PLPP3: variants seen among roughly 807,000 people sequenced by gnomAD.
PLPP3 encodes phospholipid phosphatase 3.
A neutral mutation model predicts 29.6 loss-of-function variants in PLPP3; 6 were observed. The ratio of observed to expected loss-of-function variants is 0.20; its 90% CI spans 0.11 to 0.40. The LOEUF is 0.40. PLPP3 is among the 10% of genes least tolerant of loss of function. The pLI is 1.00. For synonymous variants in PLPP3, 152 were observed against 159.7 expected, an observed-to-expected ratio of 0.95 and a Z score of 0.36; for missense variants, 308 against 407.7, an observed-to-expected ratio of 0.76 and a Z score of 2.11.
chr1:56,526,935 C>T (rs1446156154), intron 2 of PLPP3, among the ~76,000 whole-genome samples: 1 of 152,210 alleles, frequency 6.6e-6, no homozygotes, highest in Non-Finnish European at 1.5e-5. Context: ...GACACTGCTA[C>T]AGATTAAGGA....
At position 56,563,593 on chromosome 1, in the gene PLPP3, T is replaced by C. The variant is rs528902004; in HGVS notation, c.139+15285A>G. ...CTGATATATTTTCAGTAAAAGTGGA[T>C]AGATGGCCCAAGTGACCAGCTCAAA... On this transcript the variant is annotated intron_variant, in intron 1 of 5. Transcript: ENST00000371250. Among the ~76,000 whole-genome samples, 19 of 152,310 alleles carry C rather than the reference T, an allele frequency of 1.2e-4. 2 individuals carry two copies. The South Asian group carries it at 2.3e-3, about 18-fold the overall frequency.
intron 1 of PLPP3, among the ~76,000 whole-genome samples, chr1:56,561,437 C>T (rs572146407): frequency 1.2e-4 from 18 of 152,232 alleles, no homozygotes; most frequent in Admixed American, 1.2e-3. Flanking sequence ...TTTCATCACA[C>T]TGACTTACAG....
intron 1 of PLPP3, among the ~76,000 whole-genome samples, chr1:56,557,069 AGAAAGAAAAAAT>A (rs1646088292): frequency 1.5e-5 from 2 of 131,992 alleles, no homozygotes; most frequent in Non-Finnish European, 3.3e-5. Flanking sequence ...AAAGAAAGAA[AGAAAGAAAAAAT>A]GAGAGAGAGA....
At chr1:56,576,122 A>G (rs1292724150) in intron 1 of PLPP3, among the ~76,000 whole-genome samples, 2 of 152,200 alleles carry the variant, frequency 1.3e-5, no homozygotes, top group Admixed American at 6.5e-5. Context: ...TTAACGTTCT[A>G]AAAAGGTATG....
chr1:56,531,631 TA>T (rs2100259429), intron 2 of PLPP3, among the ~76,000 whole-genome samples: 1 of 152,338 alleles, frequency 6.6e-6, no homozygotes, highest in African/African-American at 2.4e-5. Context: ...TATAGCTAAC[TA>T]AATAAAGAGC....
At chr1:56,505,175 TA>T (rs1366826522) in intron 5 of PLPP3, among the ~76,000 whole-genome samples, 1 of 152,240 alleles carries the variant, frequency 6.6e-6, no homozygotes, top group Non-Finnish European at 1.5e-5. Context: ...AAACAAAGCA[TA>T]GTACTTAACG....
At chr1:56,529,688 G>C (rs1645874516) in intron 2 of PLPP3, among the ~76,000 whole-genome samples, 1 of 152,156 alleles carries the variant, frequency 6.6e-6, no homozygotes, top group South Asian at 2.1e-4. Context: ...AGCGTCTTTA[G>C]TAACTAGAAA....
At chr1:56,570,713 GGA>G (rs1489630547) in intron 1 of PLPP3, among the ~76,000 whole-genome samples, 3 of 152,100 alleles carry the variant, frequency 2.0e-5, no homozygotes, top group Non-Finnish European at 2.9e-5. Flanking sequence ...ATGGGAATAA[GGA>G]GAGTTTGTTG....
intron 1 of PLPP3, among the ~76,000 whole-genome samples, chr1:56,543,198 T>C (rs1282506951): frequency 6.6e-6 from 1 of 152,162 alleles, no homozygotes; most frequent in Non-Finnish European, 1.5e-5. Context: ...ATTCAAAATA[T>C]AGACTGAAGA....
At chr1:56,501,896 A>C (rs1202951594) in intron 5 of PLPP3, among the ~76,000 whole-genome samples, 1 of 152,226 alleles carries the variant, frequency 6.6e-6, no homozygotes, top group Non-Finnish European at 1.5e-5. Context: ...CTATAGGACA[A>C]ACAGAATCTG....
chr1:56,578,793 G>A, intron 1 of PLPP3, 85 bp downstream of exon 1: 2 of 1,261,552 alleles, frequency 1.6e-6, no homozygotes, highest in Middle Eastern at 3.0e-4. Context: ...GGCGCGGCGC[G>A]GCGCTGCGCG....
intron 5 of PLPP3, among the ~76,000 whole-genome samples, chr1:56,506,412 G>A (rs548629610): frequency 2.0e-4 from 30 of 152,224 alleles, no homozygotes; most frequent in African/African-American, 7.0e-4. Flanking sequence ...GACAAAGAAC[G>A]CCCTCGCCCT....
intron 1 of PLPP3, among the ~76,000 whole-genome samples, chr1:56,545,547 G>A (rs916492079): frequency 1.3e-5 from 2 of 152,116 alleles, no homozygotes; most frequent in Non-Finnish European, 2.9e-5. Context: ...GTAGACAAAT[G>A]GGGCTTTGAC....
chr1:56,541,158 A>G (rs565109724), intron 1 of PLPP3, among the ~76,000 whole-genome samples: 8 of 152,328 alleles, frequency 5.3e-5, no homozygotes, highest in African/African-American at 1.9e-4. Flanking sequence ...AAGGTGTCCA[A>G]CAGAGGGTGG....
At chr1:56,502,852 A>T (rs973190705) in intron 5 of PLPP3, among the ~76,000 whole-genome samples, 12 of 152,208 alleles carry the variant, frequency 7.9e-5, no homozygotes, top group African/African-American at 2.9e-4. Context: ...GTAGCTCTTA[A>T]TAGAGCTCCA....
chr1:56,568,553 G>A (rs745537435), intron 1 of PLPP3, among the ~76,000 whole-genome samples: 1 of 152,212 alleles, frequency 6.6e-6, no homozygotes, highest in Admixed American at 6.5e-5. Context: ...CATTTAAAGT[G>A]TTTCTGGAAG....
At chr1:56,573,382 CACAA>C (rs761858368) in intron 1 of PLPP3, among the ~76,000 whole-genome samples, 8 of 152,048 alleles carry the variant, frequency 5.3e-5, no homozygotes, top group African/African-American at 1.9e-4. Context: ...GTGCACTGGT[CACAA>C]ACAAACAAAC....
At chr1:56,500,071 G>T (rs1219906624) in intron 5 of PLPP3, among the ~76,000 whole-genome samples, 1 of 152,194 alleles carries the variant, frequency 6.6e-6, no homozygotes, top group Non-Finnish European at 1.5e-5. Context: ...ACGATGCGCA[G>T]AACATTTGTT....
chr1:56,514,353 C>G (rs564477363), intron 4 of PLPP3, among the ~76,000 whole-genome samples: 23 of 152,144 alleles, frequency 1.5e-4, no homozygotes, highest in African/African-American at 5.5e-4. Flanking sequence ...GCTCAGAGGC[C>G]TTCCACAGAA....
Sources: allele counts gnomAD v4.1 joint callset (sites outside exome capture counted in the v4.1 genomes callset), GRCh38; gene constraint gnomAD v4.1.1; transcripts MANE v1.5; gene names NCBI Gene and HGNC (gene_info 2026-07-23, HGNC 2026-07-21).